Variants in ROBO2 observed in about 807,000 individuals in gnomAD.
ROBO2 encodes the protein roundabout homolog 2.
A neutral mutation model predicts 160.8 loss-of-function variants in ROBO2; 53 were observed. The ratio of observed to expected loss-of-function variants is 0.33; its 90% CI spans 0.26 to 0.41. The LOEUF (loss-of-function observed/expected upper bound fraction) is 0.41. Ranked by LOEUF, ROBO2 falls within the 10% of genes least tolerant of loss-of-function variation. ROBO2 has a pLI of 1.00. For synonymous variants in ROBO2, 664 were observed against 611.7 expected (o/e 1.09, Z -1.26); for missense variants, 1,577 against 1,722.4 (o/e 0.92, Z 1.49).
chr3:76,364,635 A>G (rs1408172405), intron 2 of ROBO2, among the ~76,000 whole-genome samples: 1 of 152,058 alleles, frequency 6.6e-6, no homozygotes, highest in Non-Finnish European at 1.5e-5. Context: ...TATAGTGAGA[A>G]GTTTTATTCC....
At chr3:76,738,523 C>T (rs562650411) in intron 2 of ROBO2, among the ~76,000 whole-genome samples, 1 of 152,188 alleles carries the variant, frequency 6.6e-6, no homozygotes, top group Non-Finnish European at 1.5e-5. Context: ...GACATCGCCA[C>T]TTGTCCCCTG....
intron 2 of ROBO2, among the ~76,000 whole-genome samples, chr3:76,118,170 G>GA (rs1283254821): frequency 6.6e-6 from 1 of 151,774 alleles, no homozygotes; most frequent in Admixed American, 6.6e-5. Flanking sequence ...TTTGAAAAGA[G>GA]AAAAAAAATA....
chr3:76,517,434 T>C (rs747709187), intron 2 of ROBO2, among the ~76,000 whole-genome samples: 2 of 152,226 alleles, frequency 1.3e-5, no homozygotes, highest in Non-Finnish European at 2.9e-5. Flanking sequence ...AATAGGTCGA[T>C]ATTTTTCTCT....
At chr3:76,872,166 A>G (rs1021471661) in intron 2 of ROBO2, among the ~76,000 whole-genome samples, 3 of 152,198 alleles carry the variant, frequency 2.0e-5, no homozygotes, top group Non-Finnish European at 2.9e-5. Flanking sequence ...GTTGAACAAT[A>G]AACTCTGCCC....
At chr3:76,473,162 C>T (rs1028971567) in intron 2 of ROBO2, among the ~76,000 whole-genome samples, 2 of 152,250 alleles carry the variant, frequency 1.3e-5, no homozygotes, top group African/African-American at 4.8e-5. Context: ...CAGTTCATTC[C>T]AGGCTTCCAG....
At chr3:76,158,515 G>T (rs2072497169) in intron 2 of ROBO2, among the ~76,000 whole-genome samples, 1 of 151,432 alleles carries the variant, frequency 6.6e-6, no homozygotes, top group Non-Finnish European at 1.5e-5. Flanking sequence ...AGTCCTCTTT[G>T]AGTCTATTTG....
chr3:76,519,080 G>A (rs550137450), intron 2 of ROBO2, among the ~76,000 whole-genome samples: 20 of 152,152 alleles, frequency 1.3e-4, no homozygotes, highest in Non-Finnish European at 2.5e-4. Flanking sequence ...CGTTTGATCT[G>A]GACTCAGAAA....
At chr3:77,289,217 G>A (rs538044937) in intron 2 of ROBO2, among the ~76,000 whole-genome samples, 15 of 152,266 alleles carry the variant, frequency 9.9e-5, no homozygotes, top group African/African-American at 3.1e-4. Context: ...ATTGTTAATA[G>A]CAGTTTTTAG....
intron 2 of ROBO2, among the ~76,000 whole-genome samples, chr3:76,447,782 T>G (rs2077265847): frequency 6.6e-6 from 1 of 150,990 alleles, no homozygotes; most frequent in African/African-American, 2.4e-5. Flanking sequence ...CTCAGCAAAC[T>G]ATCACAAGGA....
chr3:76,563,840 A>G (rs1259073197), intron 2 of ROBO2, among the ~76,000 whole-genome samples: 1 of 152,234 alleles, frequency 6.6e-6, no homozygotes, highest in Non-Finnish European at 1.5e-5. Flanking sequence ...TTAAATTTAA[A>G]AAATAATAAA....
chr3:76,242,952 C>T (rs1705385830), intron 2 of ROBO2, among the ~76,000 whole-genome samples: 1 of 152,144 alleles, frequency 6.6e-6, no homozygotes, highest in African/African-American at 2.4e-5. Context: ...AAATCCTGAT[C>T]TAACACGTAA....
chr3:76,772,549 TAAGA>T (rs1457172330), intron 2 of ROBO2, among the ~76,000 whole-genome samples: 1 of 150,188 alleles, frequency 6.7e-6, no homozygotes, highest in African/African-American at 2.4e-5. Context: ...AAATCCGTGT[TAAGA>T]AATGGGACTG....
chr3:76,304,728 C>CTTTCTTTCT (rs2071236113), intron 2 of ROBO2, among the ~76,000 whole-genome samples: 1 of 86,642 alleles, frequency 1.2e-5, no homozygotes, highest in African/African-American at 3.6e-5. Flanking sequence ...TTCTTTCTTT[C>CTTTCTTTCT]TTTCTTTTCT....
intron 2 of ROBO2, among the ~76,000 whole-genome samples, chr3:76,878,246 G>A (rs941083957): frequency 6.6e-6 from 1 of 152,096 alleles, no homozygotes; most frequent in African/African-American, 2.4e-5. Flanking sequence ...TTTACCTCTG[G>A]CTGATAATTG....
At chr3:77,510,577 A>G (rs2089268106) in intron 5 of ROBO2, among the ~76,000 whole-genome samples, 1 of 152,102 alleles carries the variant, frequency 6.6e-6, no homozygotes. Flanking sequence ...GTTAGGTGAC[A>G]TTTATTGAGG....
intron 4 of ROBO2, among the ~76,000 whole-genome samples, chr3:77,487,383 C>T (rs1053411153): frequency 2.0e-5 from 3 of 152,074 alleles, no homozygotes; most frequent in African/African-American, 7.2e-5. Context: ...TGAAATTTTG[C>T]CTCTAATATG....
intron 2 of ROBO2, among the ~76,000 whole-genome samples, chr3:76,352,441 T>C (rs1247457634): frequency 1.3e-5 from 2 of 152,040 alleles, no homozygotes; most frequent in Admixed American, 1.3e-4. Context: ...TCAGATTAGA[T>C]CAAAATTTTG....
At chr3:76,730,314 C>T (rs28453738) in intron 2 of ROBO2, among the ~76,000 whole-genome samples, 1 of 63,046 alleles carries the variant, frequency 1.6e-5, no homozygotes, top group Non-Finnish European at 2.7e-5. Context: ...CTACCCGCTT[C>T]TCCTCACCTC....
intron 2 of ROBO2, among the ~76,000 whole-genome samples, chr3:76,296,240 C>T (rs991435325): frequency 6.6e-6 from 1 of 152,010 alleles, no homozygotes; most frequent in Non-Finnish European, 1.5e-5. Context: ...GAAAGGATTC[C>T]CTCCTAAAGC....
Sources: allele counts gnomAD v4.1 joint callset (sites outside exome capture counted in the v4.1 genomes callset), GRCh38; gene constraint gnomAD v4.1.1; transcripts MANE v1.5; gene names NCBI Gene and HGNC (gene_info 2026-07-23, HGNC 2026-07-21).